Variants in LEMD3 observed in about 807,000 individuals in gnomAD.
The protein encoded by LEMD3 is LEM domain containing 3.
LEMD3 carries 33 observed loss-of-function variants against 95.2 expected under a neutral mutation model. The ratio of observed to expected loss-of-function variants is 0.35; its 90% CI spans 0.26 to 0.46. LEMD3 has a LOEUF of 0.46. LEMD3 is among the 20% of genes least tolerant of loss of function. The probability of loss-of-function intolerance (pLI) is 1.00; values close to 1 mark genes in which losing one functional copy is unlikely to be tolerated. For missense variants in LEMD3, 1,210 were observed against 1,192.8 expected (o/e 1.01, Z -0.21); for synonymous variants, 525 against 474.6 (o/e 1.11, Z -1.38).
chr12:65,201,721 A>T (rs1380772037), intron 1 of LEMD3, among the ~76,000 whole-genome samples: 1 of 152,018 alleles, frequency 6.6e-6, no homozygotes, highest in African/African-American at 2.4e-5. Context: ...TTGTCATATT[A>T]TCTGTGAACA....
intron 4 of LEMD3, among the ~76,000 whole-genome samples, chr12:65,228,165 A>G (rs1035657089): frequency 3.3e-5 from 5 of 152,072 alleles, no homozygotes; most frequent in South Asian, 2.1e-4. Flanking sequence ...TGGGTCAGCA[A>G]TGGTACAAGT....
intron 1 of LEMD3, among the ~76,000 whole-genome samples, chr12:65,196,782 A>G (rs1294800053): frequency 3.3e-5 from 5 of 152,246 alleles, no homozygotes; most frequent in Admixed American, 1.3e-4. Context: ...TGATGAACTC[A>G]AGGGGCTCAG....
intron 2 of LEMD3, among the ~76,000 whole-genome samples, chr12:65,214,208 G>A (rs1870032385): frequency 6.6e-6 from 1 of 152,008 alleles, no homozygotes; most frequent in South Asian, 2.1e-4. Context: ...GGGACTACAG[G>A]TGCATGCCAC....
chr12:65,217,319 C>G (rs1043312355), intron 3 of LEMD3, among the ~76,000 whole-genome samples: 1 of 152,092 alleles, frequency 6.6e-6, no homozygotes, highest in Non-Finnish European at 1.5e-5. Flanking sequence ...TTATAAAAAC[C>G]AGAGTAGGCC....
intron 1 of LEMD3, among the ~76,000 whole-genome samples, chr12:65,198,898 G>T (rs1315313344): frequency 6.6e-6 from 1 of 152,068 alleles, no homozygotes; most frequent in Admixed American, 6.6e-5. Flanking sequence ...AGAACACACG[G>T]ATACAGAGGG....
intron 4 of LEMD3, among the ~76,000 whole-genome samples, chr12:65,233,864 TAAAG>T (rs1328880116): frequency 1.3e-5 from 2 of 152,114 alleles, no homozygotes; most frequent in South Asian, 2.1e-4. Flanking sequence ...ATTTTGAAAA[TAAAG>T]AACATTTGGG....
chr12:65,233,226 A>G (rs1412170991), intron 4 of LEMD3, among the ~76,000 whole-genome samples: 2 of 152,168 alleles, frequency 1.3e-5, no homozygotes, highest in Non-Finnish European at 2.9e-5. Context: ...TCTTTTCTAT[A>G]TATTGTTCTG....
intron 1 of LEMD3, among the ~76,000 whole-genome samples, chr12:65,172,490 T>G (rs1434762379): frequency 6.6e-6 from 1 of 152,122 alleles, no homozygotes; most frequent in East Asian, 1.9e-4. Flanking sequence ...AATAATAGAT[T>G]TTTACTCTGT....
chr12:65,222,564 G>T (rs1362789388), intron 4 of LEMD3, among the ~76,000 whole-genome samples: 1 of 151,836 alleles, frequency 6.6e-6, no homozygotes, highest in African/African-American at 2.4e-5. Flanking sequence ...TTTTTTCTTA[G>T]TCTAGTTAAG....
At chr12:65,223,829 G>GT (rs1274969857) in intron 4 of LEMD3, among the ~76,000 whole-genome samples, 2 of 114,604 alleles carry the variant, frequency 1.7e-5, no homozygotes, top group Non-Finnish European at 3.6e-5. Flanking sequence ...ACTCTTTTTT[G>GT]TGTCTTTTTT....
chr12:65,198,860 A>G (rs1016993893), intron 1 of LEMD3, among the ~76,000 whole-genome samples: 1 of 152,022 alleles, frequency 6.6e-6, no homozygotes, highest in East Asian at 1.9e-4. Context: ...CGTATCTTTG[A>G]TCTGAAGTTG....
Position 65,170,688 on chromosome 12 carries a change from G to T in LEMD3, c.1092G>T (p.Leu364=). The change falls in exon 1 of 13, where the codon CTG becomes CTT. Residue 364 remains leucine, a synonymous_variant. Transcript: ENST00000308330. ...VPRYRVNAKK[L]TPLLPPPLTD... is the part of the protein sequence containing the mutation. ...GATACCGTGTTAACGCTAAGAAACTGACCCCTCTCCTGCCCCCGCCACTTA... is the reference window on the plus strand; with the variant it reads ...GATACCGTGTTAACGCTAAGAAACTTACCCCTCTCCTGCCCCCGCCACTTA... 1 of 1,614,196 alleles carries T rather than the reference G, an allele frequency of 6.2e-7. No homozygotes were observed. Among genetic ancestry groups the T allele is most frequent in the Non-Finnish European group, 8.5e-7 (1 of 1,180,032 alleles).
chr12:65,172,270 A>C (rs1443663303), intron 1 of LEMD3, among the ~76,000 whole-genome samples: 3 of 152,232 alleles, frequency 2.0e-5, no homozygotes, highest in Non-Finnish European at 4.4e-5. Flanking sequence ...ATAATTTCTC[A>C]GTGTTAGGTC....
chr12:65,174,646 G>C (rs917526676), intron 1 of LEMD3, among the ~76,000 whole-genome samples: 15 of 151,142 alleles, frequency 9.9e-5, no homozygotes, highest in South Asian at 2.1e-4. Flanking sequence ...ATACATCTCT[G>C]TGTGTGTGTG....
Position 65,169,945 on chromosome 12 carries a change from A to G in LEMD3, c.349A>G (p.Ser117Gly), listed in dbSNP as rs886049774. ...LCRISASGPE[S>G]LLGGPGGASA... ...CCGAATCTCGGCCTCTGGCCCAGAG[A>G]GCCTCCTGGGAGGGCCCGGGGGCGC... is the stretch of plus-strand genomic sequence containing the variant. Residue 117 changes from serine (S) to glycine (G), a missense_variant, in exon 1 of 13, where the codon AGC becomes GGC. Coordinates refer to ENST00000308330, the MANE Select transcript of LEMD3 (RefSeq NM_014319.5). The G allele has an allele frequency of 2.1e-6, 3 of 1,452,940 alleles. No homozygotes were observed. The highest frequency in any genetic ancestry group is 2.7e-6 in the Non-Finnish European group (3 of 1,111,262). The allele number at this position is 1,452,940 out of a possible 1,614,324, so 90.0% of individuals were successfully genotyped here.
chr12:65,244,292 C>CCCCA (rs1555196171), intron 10 of LEMD3, among the ~76,000 whole-genome samples: 10 of 149,596 alleles, frequency 6.7e-5, no homozygotes, highest in Admixed American at 3.3e-4. Context: ...CACACCCCCC[C>CCCCA]CACACACACA....
intron 4 of LEMD3, among the ~76,000 whole-genome samples, chr12:65,232,974 A>T (rs1870673536): frequency 1.3e-5 from 2 of 152,174 alleles, no homozygotes. Context: ...TACTGTTAAT[A>T]AAAGTCTGTG....
At chr12:65,185,959 A>G (rs1005252049) in intron 1 of LEMD3, among the ~76,000 whole-genome samples, 3 of 152,058 alleles carry the variant, frequency 2.0e-5, no homozygotes, top group Non-Finnish European at 2.9e-5. Flanking sequence ...CAGTAGCTCT[A>G]TGGTAGAGAC....
chr12:65,238,859 T>A, intron 6 of LEMD3, 45 bp downstream of exon 6: 1 of 1,596,904 alleles, frequency 6.3e-7, no homozygotes, highest in Non-Finnish European at 8.6e-7. Flanking sequence ...AGCCTGAATT[T>A]TTGTGTGTAT....
Sources: allele counts gnomAD v4.1 joint callset (sites outside exome capture counted in the v4.1 genomes callset), GRCh38; gene constraint gnomAD v4.1.1; transcripts MANE v1.5; gene names NCBI Gene and HGNC (gene_info 2026-07-23, HGNC 2026-07-21).